Variants in SOX6 observed in about 807,000 individuals in gnomAD.
SOX6 encodes the protein transcription factor SOX-6.
In SOX6, 11 loss-of-function variants were observed where a neutral mutation model predicts 97.8. The ratio of observed to expected loss-of-function variants is 0.11; its 90% confidence interval spans 0.07 to 0.19. The LOEUF (loss-of-function observed/expected upper bound fraction) is 0.19. Among genes scored for constraint, SOX6 ranks in the 10% least tolerant of loss-of-function variants. SOX6 has a pLI of 1.00. For missense variants in SOX6, 810 were observed against 1,039.5 expected (o/e 0.78, Z 3.04); for synonymous variants, 360 against 371.4 (o/e 0.97, Z 0.35).
intron 3 of SOX6, among the ~76,000 whole-genome samples, chr11:16,266,760 A>G (rs1051665371): frequency 4.0e-5 from 6 of 151,602 alleles, no homozygotes; most frequent in Admixed American, 3.3e-4. Context: ...CAAGGCAATC[A>G]CCAAAATAAT....
At chr11:15,999,580 T>C (rs1000108261) in intron 13 of SOX6, among the ~76,000 whole-genome samples, 2 of 152,012 alleles carry the variant, frequency 1.3e-5, no homozygotes, top group African/African-American at 2.4e-5. Flanking sequence ...AAACCAACCA[T>C]CCAACAAATA....
intron 1 of SOX6, among the ~76,000 whole-genome samples, chr11:16,430,321 G>A (rs1159431506): frequency 6.6e-6 from 1 of 152,086 alleles, no homozygotes; most frequent in Non-Finnish European, 1.5e-5. Flanking sequence ...TATAATCCAT[G>A]TTTATTTGGT....
intron 6 of SOX6, among the ~76,000 whole-genome samples, chr11:16,124,605 G>A (rs1434132846): frequency 1.3e-5 from 2 of 151,976 alleles, no homozygotes; most frequent in Non-Finnish European, 2.9e-5. Context: ...TCAGGCAGAG[G>A]GCATGTGAGT....
At chr11:16,360,511 C>T (rs1057216481), upstream of SOX6, among the ~76,000 whole-genome samples, 7 of 152,068 alleles carry the variant, frequency 4.6e-5, no homozygotes, top group Non-Finnish European at 7.4e-5. Context: ...TTCCATATCC[C>T]CAGTCAACTC....
chr11:16,384,463 A>T (rs1400333450), intron 1 of SOX6, among the ~76,000 whole-genome samples: 1 of 152,004 alleles, frequency 6.6e-6, no homozygotes, highest in African/African-American at 2.4e-5. Flanking sequence ...AAAAAATGCT[A>T]AAAGTAGATT....
In SOX6 at chr11:16,099,758, C is replaced by A. The variant is rs974491828; in HGVS notation, c.899-2070G>T. 2.1e-5 allele frequency among the ~76,000 whole-genome samples: 3 copies of A among 143,488 alleles called. No homozygotes were observed. In the Admixed American group the frequency reaches 2.1e-4, roughly 10 times the overall value. 94.1% of individuals were successfully genotyped at this position (143,488 alleles called of 152,430 possible). On this transcript the variant is annotated intron_variant, in intron 7 of 15. Transcript: ENST00000683767. ...GGCTTGCCAGTTAATTTATTACTAT[C>A]TCTACCACACCCTATAGTACTTTCC...
At chr11:16,145,505 A>C (rs1246089860) in intron 6 of SOX6, among the ~76,000 whole-genome samples, 1 of 152,208 alleles carries the variant, frequency 6.6e-6, no homozygotes, top group Non-Finnish European at 1.5e-5. Context: ...GGCCAGGGCA[A>C]TCAGGCAGGA....
At chr11:16,197,032 C>T (rs1851798747) in intron 4 of SOX6, among the ~76,000 whole-genome samples, 2 of 152,092 alleles carry the variant, frequency 1.3e-5, no homozygotes, top group South Asian at 4.2e-4. Context: ...TGGGGTTTCA[C>T]CATGTTTCAC....
intron 4 of SOX6, among the ~76,000 whole-genome samples, chr11:16,215,362 A>C (rs141184566): frequency 6.6e-6 from 1 of 152,216 alleles, no homozygotes; most frequent in African/African-American, 2.4e-5. Flanking sequence ...ACTATTTCTC[A>C]AAGTTTTAAT....
At chr11:16,016,530 A>G (rs1046361301) in intron 12 of SOX6, among the ~76,000 whole-genome samples, 1 of 152,072 alleles carries the variant, frequency 6.6e-6, no homozygotes, top group African/African-American at 2.4e-5. Context: ...GTTCCCTAAT[A>G]TCTTCCTATG....
chr11:16,489,485 G>A (rs1196938117), intron 4 of SOX6, among the ~76,000 whole-genome samples: 3 of 151,998 alleles, frequency 2.0e-5, no homozygotes, highest in African/African-American at 7.2e-5. Flanking sequence ...AACATTTATG[G>A]TATGTATCTA....
At chr11:16,398,112 T>C (rs1157677468) in intron 1 of SOX6, among the ~76,000 whole-genome samples, 1 of 151,446 alleles carries the variant, frequency 6.6e-6, no homozygotes, top group East Asian at 1.9e-4. Flanking sequence ...GCAAAAAATA[T>C]AGACACCTGG....
chr11:16,406,665 A>G (rs1249655557), intron 1 of SOX6, among the ~76,000 whole-genome samples: 1 of 152,106 alleles, frequency 6.6e-6, no homozygotes, highest in Non-Finnish European at 1.5e-5. Flanking sequence ...TCGTGAGGAC[A>G]AATGCCCTAT....
At position 16,515,180 on chromosome 11, in the gene SOX6, C is replaced by T. The variant is rs566152604; in HGVS notation, n.610-38792G>A. On this transcript the variant is annotated intron_variant and non_coding_transcript_variant, in intron 4 of 5. Transcript: ENST00000524520. ...TCCCACCAACAGTGTAAAAGTGTTC[C>T]TATTTCTCCACATCCTCTCCAGCAC... Among the ~76,000 whole-genome samples the T allele has an allele frequency of 8.8e-4, 134 of 151,810 alleles. 1 individual carries two copies. Among genetic ancestry groups the T allele is most frequent in the African/African-American group, 3.2e-3 (132 of 41,436 alleles).
intron 4 of SOX6, among the ~76,000 whole-genome samples, chr11:16,575,396 T>C (rs745498093): frequency 3.9e-5 from 6 of 152,170 alleles, no homozygotes; most frequent in Non-Finnish European, 8.8e-5. Flanking sequence ...CCTGCATATA[T>C]AGCCTACAGA....
intron 6 of SOX6, among the ~76,000 whole-genome samples, chr11:16,144,779 A>G (rs1043326904): frequency 6.6e-6 from 1 of 152,034 alleles, no homozygotes; most frequent in Non-Finnish European, 1.5e-5. Context: ...CGACACATAC[A>G]CCCTCCCAAG....
intron 3 of SOX6, among the ~76,000 whole-genome samples, chr11:16,708,732 A>C (rs965258184): frequency 3.9e-5 from 6 of 152,218 alleles, no homozygotes; most frequent in Admixed American, 3.9e-4. Context: ...CGTGGGGTAC[A>C]TGATCGGTAA....
chr11:16,645,455 C>T (rs1043028104), intron 3 of SOX6, among the ~76,000 whole-genome samples: 1 of 151,972 alleles, frequency 6.6e-6, no homozygotes, highest in African/African-American at 2.4e-5. Context: ...AATTGTTGTC[C>T]CCCCACTGAA....
intron 4 of SOX6, among the ~76,000 whole-genome samples, chr11:16,602,102 C>T (rs908929424): frequency 2.6e-5 from 4 of 152,142 alleles, no homozygotes; most frequent in African/African-American, 7.2e-5. Flanking sequence ...TAATAAAGAA[C>T]TCAATTTTTT....
Sources: gnomAD v4.1 joint callset for allele counts (sites outside exome capture counted in the v4.1 genomes callset) on GRCh38, gnomAD v4.1.1 for gene constraint, MANE v1.5 for transcripts, NCBI Gene and HGNC (gene_info 2026-07-23, HGNC 2026-07-21) for gene names.